Variants in TMEM143 observed in about 807,000 individuals in gnomAD.
The protein encoded by TMEM143 is transmembrane protein 143.
Under a neutral mutation model 40.3 loss-of-function variants are expected in TMEM143, and 45 were observed. The ratio of observed to expected loss-of-function variants is 1.12; its 90% confidence interval spans 0.88 to 1.43. TMEM143 has a LOEUF of 1.43. TMEM143 is among the 40% of genes most tolerant of loss of function. TMEM143 has a pLI of 0.00. For synonymous variants in TMEM143, 299 were observed against 282.7 expected, an observed-to-expected ratio of 1.06 and a Z score of -0.58; for missense variants, 620 against 613.4, an observed-to-expected ratio of 1.01 and a Z score of -0.11.
chr19:48,359,509 G>GTT (rs775409244), intron 3 of TMEM143, among the ~76,000 whole-genome samples: 25 of 88,574 alleles, frequency 2.8e-4, no homozygotes, highest in Non-Finnish European at 4.3e-4. Context: ...ACCCCTCTTT[G>GTT]TTTTTTTTTT....
rs1569038531 is a variant in TMEM143 at position 48,360,094 on chromosome 19, T to C, written c.347A>G (p.His116Arg). ...HVDFCTLFHY[H>R]QILARLQALY... ...CACCTGCAGCCGGGCCAGGATTTGG[T>C]GGTAGTGGAACAGGGTGCAGAAGTC... Residue 116 changes from histidine (H) to arginine (R), a missense_variant, in exon 3 of 8, where the codon CAC becomes CGC. Transcript: ENST00000293261. 9.3e-6 allele frequency: 15 copies of C among 1,614,090 alleles called. No individual in the cohort carries two copies. Among genetic ancestry groups the C allele is most frequent in the Non-Finnish European group, 1.3e-5 (15 of 1,179,990 alleles).
intron 3 of TMEM143, among the ~76,000 whole-genome samples, chr19:48,353,979 GACATA>G (rs1331543615): frequency 1.3e-5 from 2 of 151,480 alleles, no homozygotes; most frequent in Admixed American, 6.6e-5. Flanking sequence ...TTTTTTTTGA[GACATA>G]GTCTCACTCT....
In TMEM143 at chr19:48,363,366, G is replaced by A. The variant is rs1970103330; in HGVS notation, c.189C>T (p.Pro63=). The change falls in exon 2 of 8, where the codon CCC becomes CCT. Residue 63 remains proline, a synonymous_variant. Coordinates refer to ENST00000293261, the MANE Select transcript of TMEM143 (RefSeq NM_018273.4). ...CGCGGTACTGCTGGGCCCAGTCGCG[G>A]GGCTCCCTGGGGTTCCACATCTTGC... is the stretch of plus-strand genomic sequence containing the variant. ...EYRKMWNPRE[P]RDWAQQYRER... is the part of the protein sequence containing the mutation. 6.2e-7 allele frequency: 1 copy of A among 1,614,090 alleles called. No homozygotes were observed.
intron 4 of TMEM143, among the ~76,000 whole-genome samples, chr19:48,344,722 T>C (rs1441982249): frequency 6.6e-6 from 1 of 152,090 alleles, no homozygotes; most frequent in African/African-American, 2.4e-5. Context: ...CCTTTTTTTT[T>C]CCAGATGGAG....
rs1190221759 is a variant in TMEM143, at chr19:48,347,819, G to A, written c.370-2465C>T. Reference sequence around the variant, plus strand: ...GATCCACCTGCCTTGGCCTCCCAACGAGCTGGGATTACAGGTGTGAGCCAC... The same window carrying A: ...GATCCACCTGCCTTGGCCTCCCAACAAGCTGGGATTACAGGTGTGAGCCAC... On this transcript the variant is annotated intron_variant, in intron 3 of 7. Transcript: ENST00000293261. Among the ~76,000 whole-genome samples the A allele has an allele frequency of 2.7e-5, 4 of 150,366 alleles. No homozygotes were observed. In the South Asian group the frequency reaches 6.3e-4, roughly 24 times the overall value.
At chr19:48,344,075 T>TG (rs1443976010) in intron 4 of TMEM143, among the ~76,000 whole-genome samples, 3 of 151,276 alleles carry the variant, frequency 2.0e-5, no homozygotes, top group Admixed American at 2.0e-4. Flanking sequence ...TTAGTAGAGA[T>TG]GGGGTTTCAC....
In TMEM143 at chr19:48,341,872, G is replaced by A. The variant is rs375584226; in HGVS notation, c.975+658C>T. On this transcript the variant is annotated intron_variant, in intron 6 of 7. Transcript: ENST00000293261. ...TCAACCCTTATGTAGCCCCTACCAC[G>A]AGCCGAGCACTGCCCAGTGCTTCTC... 8.0e-4 allele frequency among the ~76,000 whole-genome samples: 121 copies of A among 152,030 alleles called. No individual in the cohort carries two copies. The South Asian group carries it at 0.013, about 17-fold the overall frequency.
intron 2 of TMEM143, among the ~76,000 whole-genome samples, chr19:48,361,652 C>A (rs1237575506): frequency 6.6e-6 from 1 of 151,752 alleles, no homozygotes; most frequent in Non-Finnish European, 1.5e-5. Context: ...TGCCTCACCT[C>A]CCAAGTAGCT....
chr19:48,344,376 A>G (rs1969575569), intron 4 of TMEM143, among the ~76,000 whole-genome samples: 1 of 146,596 alleles, frequency 6.8e-6, no homozygotes, highest in South Asian at 2.2e-4. Flanking sequence ...GCAGCCTTAA[A>G]CTCCTGGGAT....
intron 6 of TMEM143, among the ~76,000 whole-genome samples, 177 bp from the exon 7 acceptor site, chr19:48,334,374 G>A (rs1202964712): frequency 6.6e-6 from 1 of 152,100 alleles, no homozygotes; most frequent in East Asian, 1.9e-4. Context: ...GGATCTATTT[G>A]GGGATTTTTG....
chr19:48,337,219 C>T (rs1043691155), intron 6 of TMEM143, among the ~76,000 whole-genome samples: 2 of 151,930 alleles, frequency 1.3e-5, no homozygotes, highest in Admixed American at 6.6e-5. Flanking sequence ...AATGCCAATG[C>T]CAGGGAGGGT....
intron 6 of TMEM143, among the ~76,000 whole-genome samples, chr19:48,338,356 G>A (rs527660352): frequency 1.3e-5 from 2 of 152,196 alleles, no homozygotes; most frequent in South Asian, 2.1e-4. Flanking sequence ...CCTGCTCATG[G>A]TCCTCCCATG....
In TMEM143 at chr19:48,332,736, C is replaced by T. The variant is rs1242138605; in HGVS notation, c.*483G>A. 6.5e-6 allele frequency: 1 copy of T among 153,286 alleles called. No individual in the cohort carries two copies. The highest frequency in any genetic ancestry group is 1.5e-5 in the Non-Finnish European group (1 of 68,762). 9.5% of individuals were successfully genotyped at this position (153,286 alleles called of 1,614,324 possible). On this transcript the variant is annotated 3_prime_UTR_variant, in exon 8 of 8. Transcript: ENST00000293261. ...AACCGGCTGCCCAAAGTTGATGGAA[C>T]CCAGCAGCTGTCACTGGACGTTTGC...
intron 3 of TMEM143, among the ~76,000 whole-genome samples, chr19:48,359,553 C>T (rs999835962): frequency 2.9e-5 from 4 of 135,656 alleles, no homozygotes; most frequent in Admixed American, 8.8e-5. Flanking sequence ...GTCGCCCAGG[C>T]TGGAGTGCAG....
intron 2 of TMEM143, among the ~76,000 whole-genome samples, chr19:48,361,703 G>C (rs572919994): frequency 1.3e-5 from 2 of 151,352 alleles, no homozygotes; most frequent in Non-Finnish European, 2.9e-5. Flanking sequence ...CTAATTTTTT[G>C]TATTTTTAGT....
Position 48,351,620 on chromosome 19 carries a change from G to T in TMEM143, c.370-6266C>A, listed in dbSNP as rs1206846758. 2.6e-5 allele frequency among the ~76,000 whole-genome samples: 4 copies of T among 152,108 alleles called. No homozygotes were observed. The East Asian group carries it at 7.7e-4, about 29-fold the overall frequency. On this transcript the variant is annotated intron_variant, in intron 3 of 7. Transcript: ENST00000293261. ...CCCTCACCTCCTCTCTCTTCCCTGG[G>T]TCGCCAGGCTCTAGCCCCGCAGGCC...
chr19:48,334,434 C>CTT (rs1361834107), intron 6 of TMEM143, among the ~76,000 whole-genome samples: 1,815 of 39,374 alleles, frequency 0.046, 55 homozygotes, highest in African/African-American at 0.16. Context: ...TTCTTTCTTT[C>CTT]TTTCTTTCTT....
intron 3 of TMEM143, among the ~76,000 whole-genome samples, chr19:48,347,109 A>C (rs1464345092): frequency 1.3e-5 from 2 of 152,182 alleles, no homozygotes; most frequent in African/African-American, 4.8e-5. Context: ...ATGTCGCGTG[A>C]GTTTCCAGTT....
At chr19:48,345,746 C>T (rs935413680) in intron 3 of TMEM143, among the ~76,000 whole-genome samples, 11 of 151,960 alleles carry the variant, frequency 7.2e-5, no homozygotes, top group African/African-American at 2.4e-4. Flanking sequence ...GCTAAGATTA[C>T]AGGCATAAGC....
Sources: gnomAD v4.1 joint callset for allele counts (sites outside exome capture counted in the v4.1 genomes callset) on GRCh38, gnomAD v4.1.1 for gene constraint, MANE v1.5 for transcripts, NCBI Gene and HGNC (gene_info 2026-07-23, HGNC 2026-07-21) for gene names.